The following COL25A1 variants were observed in gnomAD, a reference collection of about 807,000 sequenced individuals.
COL25A1 encodes the protein collagen alpha-1(XXV) chain.
A neutral mutation model predicts 128.4 loss-of-function variants in COL25A1; 103 were observed. The observed-to-expected ratio is 0.80, with a 90% CI of 0.68 to 0.94. The LOEUF is 0.94. COL25A1 is among the 40% of genes least tolerant of loss of function. The pLI is 0.00. For missense variants in COL25A1, 745 were observed against 840.0 expected (o/e 0.89, Z 1.40); for synonymous variants, 279 against 277.2 (o/e 1.01, Z -0.06).
At chr4:108,947,418 G>C (rs1748898116) in intron 8 of COL25A1, among the ~76,000 whole-genome samples, 1 of 150,452 alleles carries the variant, frequency 6.6e-6, no homozygotes, top group South Asian at 2.1e-4. Flanking sequence ...CTCCAGCTTG[G>C]GCAACAAAAA....
At chr4:109,138,717 G>A (rs1450214865) in intron 3 of COL25A1, among the ~76,000 whole-genome samples, 2 of 150,078 alleles carry the variant, frequency 1.3e-5, no homozygotes, top group African/African-American at 4.9e-5. Flanking sequence ...TTTGTTTTTT[G>A]TTTTTTTTGA....
chr4:108,967,720 G>C (rs1335429360), intron 8 of COL25A1, among the ~76,000 whole-genome samples: 1 of 152,152 alleles, frequency 6.6e-6, no homozygotes, highest in African/African-American at 2.4e-5. Flanking sequence ...AACTTACCTA[G>C]AAAAGTATCC....
At position 108,887,460 on chromosome 4, in the gene COL25A1, G is replaced by A. The variant is rs145674931; in HGVS notation, c.975+1761C>T. 7.2e-5 allele frequency among the ~76,000 whole-genome samples: 11 copies of A among 152,260 alleles called. No individual in the cohort carries two copies. In the East Asian group the frequency reaches 2.1e-3, roughly 29 times the overall value. On this transcript the variant is annotated intron_variant, in intron 18 of 37. Transcript: ENST00000399132. ...TAAGTATTGCCAAGTCCCGATATTA[G>A]ACAAAGGAAGTCATAATATTGTGGG...
In COL25A1 at chr4:108,901,219, ATACAT is replaced by A. The variant is rs1488402624; in HGVS notation, c.781-52_781-48del. 4.0e-6 allele frequency: 5 copies of A among 1,256,820 alleles called. No individual in the cohort carries two copies. The African/African-American group carries it at 7.4e-5, about 19-fold the overall frequency. 77.9% of individuals were successfully genotyped at this position (1,256,820 alleles called of 1,614,324 possible). On this transcript the variant is annotated intron_variant, in intron 13 of 37. Transcript: ENST00000399132. ...CTACTAAGTAAAATAGACAAAATCA[ATACAT>A]TACATGGATCATTAGAGGAGACAGC...
chr4:109,010,532 A>G (rs1244624936), intron 5 of COL25A1, among the ~76,000 whole-genome samples, 157 bp from the exon 6 acceptor site: 1 of 152,254 alleles, frequency 6.6e-6, no homozygotes, highest in African/African-American at 2.4e-5. Context: ...TTAAAAAATC[A>G]TATCACATCC....
chr4:109,089,348 C>G lies in COL25A1; in HGVS notation c.368-39169G>C, dbSNP rs181820668. ...CATTCCTTTACTAGAATGCCCACCT[C>G]ATAGGACATGAAGAAGGCATATAGC... On this transcript the variant is annotated intron_variant, in intron 3 of 37. Transcript: ENST00000399132. 1.9e-3 allele frequency among the ~76,000 whole-genome samples: 289 copies of G among 152,266 alleles called. 1 individual carries two copies. Among genetic ancestry groups the G allele is most frequent in the African/African-American group, 6.8e-3 (281 of 41,556 alleles).
At chr4:109,271,034 G>A (rs1043614756) in intron 3 of COL25A1, among the ~76,000 whole-genome samples, 6 of 152,138 alleles carry the variant, frequency 3.9e-5, no homozygotes, top group Non-Finnish European at 7.3e-5. Flanking sequence ...CAGAGAGTGG[G>A]TAAATAGCTG....
intron 32 of COL25A1, among the ~76,000 whole-genome samples, chr4:108,830,567 G>A (rs1372834936): frequency 6.6e-6 from 1 of 152,194 alleles, no homozygotes; most frequent in African/African-American, 2.4e-5. Flanking sequence ...GGAGAGTACT[G>A]ATATATGATC....
intron 20 of COL25A1, among the ~76,000 whole-genome samples, chr4:108,867,841 G>A (rs917222234): frequency 6.6e-6 from 1 of 152,042 alleles, no homozygotes; most frequent in Non-Finnish European, 1.5e-5. Context: ...TTTCAGGGTA[G>A]ATAAAAAGAG....
At chr4:109,073,555 T>C (rs1334229320) in intron 3 of COL25A1, among the ~76,000 whole-genome samples, 1 of 152,178 alleles carries the variant, frequency 6.6e-6, no homozygotes, top group Non-Finnish European at 1.5e-5. Flanking sequence ...TATTTAAGGT[T>C]TATCTCTGAA....
At chr4:109,063,433 G>A (rs1013466142) in intron 3 of COL25A1, among the ~76,000 whole-genome samples, 2 of 151,308 alleles carry the variant, frequency 1.3e-5, no homozygotes, top group Admixed American at 6.6e-5. Context: ...AACCCGGAAG[G>A]CAGAAGTTGC....
At chr4:109,063,359 T>C (rs1222387777) in intron 3 of COL25A1, among the ~76,000 whole-genome samples, 1 of 151,906 alleles carries the variant, frequency 6.6e-6, no homozygotes, top group African/African-American at 2.4e-5. Flanking sequence ...AAAAATTAGC[T>C]GGGCTTGGTA....
intron 3 of COL25A1, among the ~76,000 whole-genome samples, chr4:109,187,149 T>C (rs1775212418): frequency 7.7e-6 from 1 of 130,528 alleles, no homozygotes; most frequent in East Asian, 2.4e-4. Flanking sequence ...TATACCTTTT[T>C]TTAATAGTGA....
chr4:108,965,981 A>T (rs1424761064), intron 8 of COL25A1, among the ~76,000 whole-genome samples: 2 of 152,212 alleles, frequency 1.3e-5, no homozygotes, highest in African/African-American at 4.8e-5. Context: ...CTTGATATGC[A>T]ATTTTCTTTT....
At chr4:108,963,553 G>A (rs537204711) in intron 8 of COL25A1, among the ~76,000 whole-genome samples, 12 of 152,090 alleles carry the variant, frequency 7.9e-5, no homozygotes, top group South Asian at 2.1e-4. Context: ...CATTGTAGGC[G>A]TTAGTGCAAC....
At chr4:109,117,036 CAT>C (rs140270394) in intron 3 of COL25A1, among the ~76,000 whole-genome samples, 3,400 of 151,498 alleles carry the variant, frequency 0.022, 96 homozygotes, top group South Asian at 0.12. Flanking sequence ...GGAAGTGTAA[CAT>C]GCGTAATAGG....
At chr4:109,043,085 T>A (rs1760075665) in intron 5 of COL25A1, among the ~76,000 whole-genome samples, 1 of 149,722 alleles carries the variant, frequency 6.7e-6, no homozygotes, top group Admixed American at 6.7e-5. Flanking sequence ...TGTGCAACCT[T>A]GGGCAAATTA....
chr4:109,222,456 G>C (rs1778497022), intron 3 of COL25A1, among the ~76,000 whole-genome samples: 1 of 152,050 alleles, frequency 6.6e-6, no homozygotes, highest in African/African-American at 2.4e-5. Context: ...TAAACTAAAA[G>C]CTCAACTCTA....
chr4:109,194,239 T>C (rs1290614540), intron 3 of COL25A1, among the ~76,000 whole-genome samples: 1 of 152,178 alleles, frequency 6.6e-6, no homozygotes, highest in Non-Finnish European at 1.5e-5. Context: ...CAAAGGCTAA[T>C]GTAAAAAATG....
Sources: gnomAD v4.1 joint callset for allele counts (sites outside exome capture counted in the v4.1 genomes callset) on GRCh38, gnomAD v4.1.1 for gene constraint, MANE v1.5 for transcripts, NCBI Gene and HGNC (gene_info 2026-07-23, HGNC 2026-07-21) for gene names.